Variants in SCAPER observed in about 807,000 individuals in gnomAD.
SCAPER encodes S phase cyclin A-associated protein in the endoplasmic reticulum.
SCAPER carries 98 observed loss-of-function variants against 182.2 expected under a neutral mutation model. The ratio of observed to expected loss-of-function variants is 0.54; its 90% CI spans 0.46 to 0.64. The LOEUF is 0.64. Ranked by LOEUF, SCAPER falls within the 30% of genes least tolerant of loss-of-function variation. SCAPER has a pLI of 0.00. For synonymous variants in SCAPER, 605 were observed against 564.6 expected, an observed-to-expected ratio of 1.07 and a Z score of -1.01; for missense variants, 1,432 against 1,690.0, an observed-to-expected ratio of 0.85 and a Z score of 2.68.
At chr15:76,622,151 T>C (rs1346870494) in intron 21 of SCAPER, among the ~76,000 whole-genome samples, 1 of 152,198 alleles carries the variant, frequency 6.6e-6, no homozygotes, top group Non-Finnish European at 1.5e-5. Flanking sequence ...TTGAGATACT[T>C]CTCTGCCCCT....
At position 76,718,640 on chromosome 15, in the gene SCAPER, C is replaced by T. The variant is rs1388561549; in HGVS notation, c.2165+9955G>A. On this transcript the variant is annotated intron_variant, in intron 17 of 31. Coordinates refer to ENST00000563290, the MANE Select transcript of SCAPER (RefSeq NM_020843.4). ...TGGACAAGAGAACAAGATTCTGTCT[C>T]AAAAAGGAAAAAAAAAACAAAAACA... 3.5e-5 allele frequency among the ~76,000 whole-genome samples: 5 copies of T among 142,992 alleles called. No homozygotes were observed. The East Asian group carries it at 1.0e-3, about 29-fold the overall frequency. 93.8% of individuals were successfully genotyped at this position (142,992 alleles called of 152,430 possible).
In SCAPER at chr15:76,348,586, T is replaced by C; in HGVS notation, c.*47A>G. On this transcript the variant is annotated 3_prime_UTR_variant, in exon 32 of 32. Coordinates refer to ENST00000563290, the MANE Select transcript of SCAPER (RefSeq NM_020843.4). ...ACAATTAGAATGTTTGTTTGGACAA[T>C]TTAAAATATTAACAAGGGTACTCAA... 7.8e-7 allele frequency: 1 copy of C among 1,277,904 alleles called. No individual in the cohort carries two copies. Among genetic ancestry groups the C allele is most frequent in the Non-Finnish European group, 1.1e-6 (1 of 917,890 alleles). 79.2% of individuals were successfully genotyped at this position (1,277,904 alleles called of 1,614,324 possible). A position where few individuals can be genotyped will look rare whatever the true frequency, so the allele number is the denominator to read the frequency against.
At chr15:76,654,281 G>A (rs927760008) in intron 21 of SCAPER, among the ~76,000 whole-genome samples, 10 of 152,186 alleles carry the variant, frequency 6.6e-5, no homozygotes, top group African/African-American at 1.9e-4. Flanking sequence ...GGTGGTGGGC[G>A]CCTGTAGTCC....
chr15:76,780,183 G>A (rs149550169), intron 8 of SCAPER, among the ~76,000 whole-genome samples: 11 of 152,326 alleles, frequency 7.2e-5, no homozygotes, highest in East Asian at 5.8e-4. Context: ...CAAATACTGC[G>A]CTTTTCCCAT....
chr15:76,567,728 T>C (rs1319240319), intron 23 of SCAPER, among the ~76,000 whole-genome samples: 3 of 152,182 alleles, frequency 2.0e-5, no homozygotes, highest in East Asian at 3.8e-4. Context: ...TGTTTTTGCA[T>C]TTCATTAATT....
intron 5 of SCAPER, among the ~76,000 whole-genome samples, chr15:76,812,483 GAAAAA>G (rs59087455): frequency 3.9e-5 from 4 of 101,780 alleles, no homozygotes; most frequent in Non-Finnish European, 3.9e-5. Context: ...GTGAGACTCT[GAAAAA>G]AAAAAAAAAA....
chr15:76,433,868 C>T (rs1464145193), intron 26 of SCAPER, among the ~76,000 whole-genome samples: 2 of 152,078 alleles, frequency 1.3e-5, no homozygotes, highest in African/African-American at 4.8e-5. Flanking sequence ...TGCAAAAGAG[C>T]CTGAATATCT....
At chr15:76,438,098 T>C (rs1013021521) in intron 25 of SCAPER, among the ~76,000 whole-genome samples, 3 of 151,984 alleles carry the variant, frequency 2.0e-5, no homozygotes, top group Non-Finnish European at 4.4e-5. Context: ...CTGGTCAACA[T>C]GGTGAAACCC....
intron 14 of SCAPER, among the ~76,000 whole-genome samples, chr15:76,758,530 C>G (rs2062584453): frequency 1.3e-5 from 2 of 152,054 alleles, no homozygotes; most frequent in Non-Finnish European, 2.9e-5. Flanking sequence ...ATGACTATAG[C>G]CTTTGCTCTT....
chr15:76,586,571 T>C (rs2048671694), intron 22 of SCAPER: 1 of 152,736 alleles, frequency 6.5e-6, no homozygotes, highest in Non-Finnish European at 1.5e-5. Flanking sequence ...AATAAATAAA[T>C]GAATGTATAT....
intron 23 of SCAPER, among the ~76,000 whole-genome samples, chr15:76,559,916 A>T (rs1204487427): frequency 6.6e-6 from 1 of 150,918 alleles, no homozygotes; most frequent in African/African-American, 2.4e-5. Context: ...CAACTTGTAT[A>T]TGTGTGTGTG....
intron 4 of SCAPER, 147 bp from the exon 5 acceptor site, chr15:76,842,078 T>A: frequency 1.5e-6 from 1 of 652,866 alleles, no homozygotes; most frequent in Admixed American, 3.0e-5. Flanking sequence ...TTTTTTCCTA[T>A]CATTATTCTC....
intron 1 of SCAPER, among the ~76,000 whole-genome samples, chr15:76,893,382 C>A (rs188616532): frequency 6.6e-6 from 1 of 151,852 alleles, no homozygotes; most frequent in Non-Finnish European, 1.5e-5. Flanking sequence ...AGGATATAAC[C>A]GTTGTAGATA....
chr15:76,764,860 T>C, intron 14 of SCAPER, 101 bp downstream of exon 14: 1 of 636,216 alleles, frequency 1.6e-6, no homozygotes, highest in African/African-American at 1.9e-5. Flanking sequence ...CAAATCTAAT[T>C]ATTTTTATGG....
chr15:76,614,379 T>C (rs1292975883), intron 22 of SCAPER, among the ~76,000 whole-genome samples: 5 of 152,108 alleles, frequency 3.3e-5, no homozygotes, highest in Non-Finnish European at 5.9e-5. Context: ...TCTGCACTTG[T>C]AACCCTGAAC....
At chr15:76,648,633 TA>T (rs1269862676) in intron 21 of SCAPER, among the ~76,000 whole-genome samples, 1 of 152,194 alleles carries the variant, frequency 6.6e-6, no homozygotes, top group African/African-American at 2.4e-5. Context: ...AGAAATTATT[TA>T]GGCAGATAGT....
At chr15:76,750,229 A>G (rs545217924) in intron 15 of SCAPER, among the ~76,000 whole-genome samples, 1 of 152,062 alleles carries the variant, frequency 6.6e-6, no homozygotes, top group African/African-American at 2.4e-5. Flanking sequence ...CAAAACCTAC[A>G]AAGACTAAAT....
intron 23 of SCAPER, among the ~76,000 whole-genome samples, chr15:76,550,622 C>CT (rs369577490): frequency 0.013 from 2,026 of 152,232 alleles, 44 homozygotes; most frequent in African/African-American, 0.046. Context: ...GATTCCGTAT[C>CT]TTTTTTATTG....
intron 21 of SCAPER, among the ~76,000 whole-genome samples, chr15:76,633,214 G>A (rs1299968554): frequency 6.6e-6 from 1 of 152,164 alleles, no homozygotes; most frequent in African/African-American, 2.4e-5. Flanking sequence ...ATCTACTCCA[G>A]ACGCTATTTC....
Sources: allele counts gnomAD v4.1 joint callset (sites outside exome capture counted in the v4.1 genomes callset), GRCh38; gene constraint gnomAD v4.1.1; transcripts MANE v1.5; gene names NCBI Gene and HGNC (gene_info 2026-07-23, HGNC 2026-07-21).